MAGI2: variants seen among roughly 807,000 people sequenced by gnomAD.
The protein encoded by MAGI2 is membrane associated guanylate kinase, WW and PDZ domain containing 2.
MAGI2 carries 35 observed loss-of-function variants against 133.3 expected under a neutral mutation model. The observed-to-expected ratio is 0.26, with a 90% CI of 0.20 to 0.35. MAGI2 has a LOEUF of 0.35. MAGI2 is among the 10% of genes least tolerant of loss of function. The pLI is 1.00. For synonymous variants in MAGI2, 729 were observed against 710.6 expected (o/e 1.03, Z -0.41); for missense variants, 1,636 against 1,863.4 (o/e 0.88, Z 2.25).
intron 1 of MAGI2, among the ~76,000 whole-genome samples, chr7:79,264,981 G>A (rs1834342736): frequency 6.6e-6 from 1 of 151,992 alleles, no homozygotes; most frequent in Non-Finnish European, 1.5e-5. Flanking sequence ...AGTCCATGAG[G>A]AATTTACCCC....
chr7:78,315,269 G>A (rs1313893344), intron 9 of MAGI2, among the ~76,000 whole-genome samples: 2 of 152,102 alleles, frequency 1.3e-5, no homozygotes, highest in African/African-American at 4.8e-5. Flanking sequence ...CATCACTTGG[G>A]CTCAGGACGT....
At chr7:78,039,778 T>C (rs1256947824) in intron 21 of MAGI2, 1 of 152,240 alleles carries the variant, frequency 6.6e-6, no homozygotes, top group African/African-American at 2.4e-5. Flanking sequence ...TCATTTTGTG[T>C]TGACAAAGGG....
chr7:78,654,440 A>C (rs1332972722), intron 2 of MAGI2, among the ~76,000 whole-genome samples: 2 of 151,960 alleles, frequency 1.3e-5, no homozygotes. Context: ...TGCTCTCTAT[A>C]ATTACATATC....
chr7:78,262,882 C>G (rs915058298), intron 9 of MAGI2, among the ~76,000 whole-genome samples: 1 of 152,082 alleles, frequency 6.6e-6, no homozygotes, highest in African/African-American at 2.4e-5. Context: ...CATGGGTATA[C>G]TGCTCAAGGC....
At chr7:79,215,326 A>T (rs1036491486) in intron 1 of MAGI2, among the ~76,000 whole-genome samples, 1 of 152,032 alleles carries the variant, frequency 6.6e-6, no homozygotes, top group African/African-American at 2.4e-5. Context: ...GCCCCGCAAA[A>T]CTGTCTTTCA....
intron 2 of MAGI2, among the ~76,000 whole-genome samples, chr7:78,927,596 A>G (rs1799811533): frequency 6.6e-6 from 1 of 151,898 alleles, no homozygotes; most frequent in Non-Finnish European, 1.5e-5. Context: ...ATGATTTCTT[A>G]ACCTACCTTC....
intron 21 of MAGI2, among the ~76,000 whole-genome samples, chr7:78,064,549 G>T (rs1283455094): frequency 6.6e-6 from 1 of 152,172 alleles, no homozygotes; most frequent in African/African-American, 2.4e-5. Context: ...CAGTTTAAAA[G>T]AATTTGGTGG....
intron 2 of MAGI2, among the ~76,000 whole-genome samples, chr7:78,971,677 C>T (rs901023401): frequency 1.3e-5 from 2 of 151,938 alleles, no homozygotes; most frequent in Non-Finnish European, 2.9e-5. Flanking sequence ...TGTAGTACAG[C>T]TCAATGATTA....
chr7:78,827,267 A>AT (rs58404427), intron 2 of MAGI2, among the ~76,000 whole-genome samples: 3 of 151,798 alleles, frequency 2.0e-5, no homozygotes, highest in Non-Finnish European at 2.9e-5. Context: ...AGGGAAATGT[A>AT]TTTTTTTTCT....
intron 10 of MAGI2, among the ~76,000 whole-genome samples, chr7:78,244,234 T>C (rs769300425): frequency 6.8e-5 from 9 of 132,104 alleles, no homozygotes; most frequent in South Asian, 2.4e-4. Context: ...TCAGGTAAAG[T>C]GGAAACTGGA....
intron 1 of MAGI2, among the ~76,000 whole-genome samples, chr7:79,054,987 T>C (rs1007080073): frequency 3.3e-5 from 5 of 152,248 alleles, no homozygotes; most frequent in African/African-American, 4.8e-5. Flanking sequence ...AAGACGGGGT[T>C]TCACCATATT....
At position 79,284,382 on chromosome 7, in the gene MAGI2, C is replaced by T. The variant is rs147626592; in HGVS notation, c.301+168638G>A. ...AGCCACAGGGCATATCCTCTACCCT[C>T]TTATGTAGCTCCTAATATGGGACTT... On this transcript the variant is annotated intron_variant, in intron 1 of 21. Transcript: ENST00000354212. Among the ~76,000 whole-genome samples the T allele has an allele frequency of 5.8e-4, 88 of 152,230 alleles. 1 individual carries two copies. The highest frequency in any genetic ancestry group is 1.9e-3 in the African/African-American group (80 of 41,566).
intron 2 of MAGI2, among the ~76,000 whole-genome samples, chr7:78,882,765 C>G (rs1213166283): frequency 6.6e-6 from 1 of 152,004 alleles, no homozygotes; most frequent in African/African-American, 2.4e-5. Context: ...CCCATATGTT[C>G]ACCTCAATAG....
chr7:78,660,516 T>A (rs1204385967), intron 2 of MAGI2, among the ~76,000 whole-genome samples: 1 of 152,072 alleles, frequency 6.6e-6, no homozygotes, highest in African/African-American at 2.4e-5. Context: ...AAATTAAATA[T>A]TAAATAATGC....
rs1474673642 is a variant in MAGI2, at chr7:78,664,893, C to G, written c.419-37654G>C. Among the ~76,000 whole-genome samples the G allele has an allele frequency of 2.0e-5, 3 of 151,828 alleles. No homozygotes were observed. In the East Asian group the frequency reaches 5.8e-4, roughly 29 times the overall value. On this transcript the variant is annotated intron_variant, in intron 2 of 21. Transcript: ENST00000354212. The stretch of plus-strand genomic sequence containing the variant: ...TCTCATAGTAAAAAATACTAAAAAA[C>G]AAAACAATCACTCATGATTCATTCT...
intron 2 of MAGI2, among the ~76,000 whole-genome samples, chr7:78,859,018 TGCGGG>T (rs1456717890): frequency 6.6e-6 from 1 of 152,206 alleles, no homozygotes; most frequent in African/African-American, 2.4e-5. Context: ...TTTTGATCTT[TGCGGG>T]TTTAGAGTCT....
intron 10 of MAGI2, among the ~76,000 whole-genome samples, chr7:78,209,386 C>T (rs928200500): frequency 2.0e-5 from 3 of 149,676 alleles, no homozygotes; most frequent in Non-Finnish European, 3.0e-5. Context: ...CTCAGCCTCC[C>T]GAGTAGCTGG....
At chr7:79,168,921 T>G (rs987736586) in intron 1 of MAGI2, among the ~76,000 whole-genome samples, 2 of 75,248 alleles carry the variant, frequency 2.7e-5, no homozygotes, top group Admixed American at 1.4e-4. Flanking sequence ...TATATATATA[T>G]ATATATATAT....
intron 9 of MAGI2, among the ~76,000 whole-genome samples, chr7:78,340,937 G>A (rs976673646): frequency 3.3e-4 from 51 of 152,300 alleles, no homozygotes; most frequent in African/African-American, 9.1e-4. Context: ...ATTCAACATA[G>A]TATTGGAAGT....
Sources: gnomAD v4.1 joint callset for allele counts (sites outside exome capture counted in the v4.1 genomes callset) on GRCh38, gnomAD v4.1.1 for gene constraint, MANE v1.5 for transcripts, NCBI Gene and HGNC (gene_info 2026-07-23, HGNC 2026-07-21) for gene names.